GATA2: variants seen among roughly 807,000 people sequenced by gnomAD.
The protein encoded by GATA2 is GATA binding protein 2, also known as endothelial transcription factor GATA-2.
GATA2 carries 6 observed loss-of-function variants against 35.7 expected under a neutral mutation model. That is an observed-to-expected ratio of 0.17 (90% CI 0.09 to 0.33). GATA2 has a LOEUF of 0.33. GATA2 is among the 10% of genes least tolerant of loss of function. GATA2 has a pLI of 1.00. For synonymous variants in GATA2, 313 were observed against 274.9 expected, an observed-to-expected ratio of 1.14 and a Z score of -1.37; for missense variants, 541 against 656.6, an observed-to-expected ratio of 0.82 and a Z score of 1.92.
chr3:128,479,787 A>G lies in GATA2; in HGVS notation c.*1232T>C. Reference sequence around the variant, plus strand: ...CAGAATCTAAGCTCGGGACACGTTTATATACAGCTGTACCTTGGGAAGGAT... The same window carrying G: ...CAGAATCTAAGCTCGGGACACGTTTGTATACAGCTGTACCTTGGGAAGGAT... On this transcript the variant is annotated 3_prime_UTR_variant, in exon 6 of 6. Coordinates refer to ENST00000341105, the MANE Select transcript of GATA2 (RefSeq NM_032638.5). 4.3e-6 allele frequency: 1 copy of G among 233,564 alleles called. No individual in the cohort carries two copies. Among genetic ancestry groups the G allele is most frequent in the Non-Finnish European group, 8.5e-6 (1 of 118,014 alleles). 14.5% of individuals were successfully genotyped at this position (233,564 alleles called of 1,614,324 possible).
intron 1 of GATA2, among the ~76,000 whole-genome samples, chr3:128,490,812 A>G (rs1559989864): frequency 2.0e-5 from 3 of 152,180 alleles, no homozygotes; most frequent in Non-Finnish European, 4.4e-5. Context: ...AGGCCTGGTG[A>G]GAGCAGATTT....
In GATA2 at chr3:128,481,076, G is replaced by A. The variant is rs1060503833; in HGVS notation, c.1386C>T (p.Ser462=). 1 of 1,607,016 alleles carries A rather than the reference G, an allele frequency of 6.2e-7. No individual in the cohort carries two copies. The highest frequency in any genetic ancestry group is 8.5e-7 in the Non-Finnish European group (1 of 1,175,148). The change falls in exon 6 of 6, where the codon TCC becomes TCT. Residue 462 remains serine (S), a synonymous_variant. Coordinates refer to ENST00000341105, the MANE Select transcript of GATA2 (RefSeq NM_032638.5). ...GGGGGTGGCCGAAGGAGAGGCTGGA[G>A]GAGGGGTGGATGGGCGTCGGAGTGG... is the stretch of plus-strand genomic sequence containing the variant. ...ILPTPTPIHP[S]SSLSFGHPHP... is the part of the protein sequence containing the mutation.
chr3:128,486,357 C>T lies in GATA2; in HGVS notation c.241G>A (p.Gly81Arg), dbSNP rs981738420. 2 of 1,601,160 alleles carry T rather than the reference C, an allele frequency of 1.2e-6. No homozygotes were observed. Among genetic ancestry groups the T allele is most frequent in the Admixed American group, 1.7e-5 (1 of 58,864 alleles). ...SYSPAHARLT[G>R]GQMCRPHLLH... ...AAGTGTGGGCGGCACATCTGGCCTC[C>T]GGTCAGGCGGGCTGCGGGCAAAGAG... The change falls in exon 3 of 6, where the codon GGA becomes AGA. Residue 81 changes from glycine (G) to arginine (R), a missense_variant. Gly to Arg is a moderately radical substitution (Grantham distance 125). Coordinates refer to ENST00000341105, the MANE Select transcript of GATA2 (RefSeq NM_032638.5).
At position 128,481,335 on chromosome 3, in the gene GATA2, G is replaced by A; in HGVS notation, c.1144-17C>T. On this transcript the variant is annotated splice_polypyrimidine_tract_variant and intron_variant, in intron 5 of 5. Coordinates refer to ENST00000341105, the MANE Select transcript of GATA2 (RefSeq NM_032638.5). ...CCTGTTAACCTAGAGGCAACCACCA[G>A]TTTTCAGAGGGCCAGTTCCTTCCTC... is the stretch of plus-strand genomic sequence containing the variant. 1 of 1,609,242 alleles carries A rather than the reference G, an allele frequency of 6.2e-7. No individual in the cohort carries two copies. The highest frequency in any genetic ancestry group is 8.5e-7 in the Non-Finnish European group (1 of 1,179,870).
chr3:128,486,413 G>A (rs766273330), intron 2 of GATA2, 45 bp from the exon 3 acceptor site: 2 of 1,576,438 alleles, frequency 1.3e-6, no homozygotes, highest in Admixed American at 3.6e-5. Context: ...GAAAGATCAG[G>A]GTAGGCAGAG....
intron 1 of GATA2, among the ~76,000 whole-genome samples, chr3:128,491,351 G>A (rs1304707516): frequency 1.3e-5 from 2 of 152,164 alleles, no homozygotes; most frequent in African/African-American, 4.8e-5. Context: ...GTGTGGGGCT[G>A]GGGGTGGGGT....
At chr3:128,489,181 C>T (rs1189760777) in intron 1 of GATA2, 2 of 152,242 alleles carry the variant, frequency 1.3e-5, no homozygotes, top group Non-Finnish European at 2.9e-5. Context: ...GACGCCGAGC[C>T]CCTGACGTCA....
At chr3:128,481,390 G>A (rs2068626771) in intron 5 of GATA2, 72 bp from the exon 6 acceptor site, 9 of 1,537,528 alleles carry the variant, frequency 5.9e-6, no homozygotes, top group East Asian at 2.2e-5. Context: ...CCGCCACAGC[G>A]TGGACCAGAG....
intron 4 of GATA2, among the ~76,000 whole-genome samples, chr3:128,482,450 T>C (rs1367775054): frequency 2.6e-5 from 4 of 152,308 alleles, no homozygotes; most frequent in East Asian, 3.9e-4. Context: ...CGTCCAACAC[T>C]GTAGCAGCTG....
rs927129253 is a variant in GATA2 at position 128,479,614 on chromosome 3, G to A, written c.*1405C>T. On this transcript the variant is annotated 3_prime_UTR_variant, in exon 6 of 6. Coordinates refer to ENST00000341105, the MANE Select transcript of GATA2 (RefSeq NM_032638.5). Reference sequence around the variant, plus strand: ...ATACTGCCGATTCTTTTTCTTATGCGGACACTAGTACAAAATAAGTTACTT... The same window carrying A: ...ATACTGCCGATTCTTTTTCTTATGCAGACACTAGTACAAAATAAGTTACTT... 4 of 233,260 alleles carry A rather than the reference G, an allele frequency of 1.7e-5. No individual in the cohort carries two copies. The highest frequency in any genetic ancestry group is 3.6e-4 in the South Asian group (2 of 5,530). The allele number at this position is 233,260 out of a possible 1,614,324, so 14.4% of individuals were successfully genotyped here.
intron 1 of GATA2, 115 bp from the exon 2 acceptor site, chr3:128,487,191 A>T: frequency 1.6e-6 from 1 of 623,306 alleles, no homozygotes; most frequent in Non-Finnish European, 2.7e-6. Flanking sequence ...GAGAAAGAGC[A>T]CCAGTCCCGG....
rs1457487608 is a variant in GATA2 at position 128,493,036 on chromosome 3, AC to A, written c.-184del. 2 of 152,704 alleles carry A rather than the reference AC, an allele frequency of 1.3e-5. No homozygotes were observed. Among genetic ancestry groups the A allele is most frequent in the Non-Finnish European group, 2.9e-5 (2 of 68,490 alleles). 9.5% of individuals were successfully genotyped at this position (152,704 alleles called of 1,614,324 possible). A position where few individuals can be genotyped will look rare whatever the true frequency, so the allele number is the denominator to read the frequency against. On this transcript the variant is annotated 5_prime_UTR_variant, in exon 1 of 6. The change abolishes the stop of an existing upstream ORF in the 5' untranslated region. Coordinates refer to ENST00000341105, the MANE Select transcript of GATA2 (RefSeq NM_032638.5). Reference sequence around the variant, plus strand: ...CGCTCACCAGCAGAGCCTGGGCGGCACGCCGAGCGGCCGCATGGTGTTCAGC... The same window carrying A: ...CGCTCACCAGCAGAGCCTGGGCGGCAGCCGAGCGGCCGCATGGTGTTCAGC...
intron 3 of GATA2, 45 bp downstream of exon 3, chr3:128,485,682 G>A (rs1259127652): frequency 2.5e-6 from 4 of 1,599,860 alleles, no homozygotes; most frequent in Non-Finnish European, 3.4e-6. Flanking sequence ...CCACAAAAAC[G>A]CAAATGCTCC....
In GATA2 at chr3:128,488,718, G is replaced by A. The variant is rs1366620427; in HGVS notation, c.-45-1642C>T. Among the ~76,000 whole-genome samples the A allele has an allele frequency of 6.6e-6, 1 of 151,984 alleles. No homozygotes were observed. The highest frequency in any genetic ancestry group is 2.4e-5 in the African/African-American group (1 of 41,416). On this transcript the variant is annotated intron_variant, in intron 1 of 5. Transcript: ENST00000341105. This position sits in a 1 kb window ranked among gnomAD's most constrained non-coding sequence, Gnocchi z 5.8. ...TTTTTTTCCTCCGGGGGGGGTCCCC[G>A]AGGTGGCCTCTGGTGAGGGGGAGGC...
intron 3 of GATA2, among the ~76,000 whole-genome samples, chr3:128,485,369 C>T (rs1201896623): frequency 1.3e-5 from 2 of 152,170 alleles, no homozygotes; most frequent in African/African-American, 4.8e-5. Flanking sequence ...CATGCACATA[C>T]AGAGTCACTT....
At position 128,481,249 on chromosome 3, in the gene GATA2, T is replaced by C; in HGVS notation, c.1213A>G (p.Lys405Glu). The C allele has an allele frequency of 6.2e-7, 1 of 1,614,244 alleles. No homozygotes were observed. Among genetic ancestry groups the C allele is most frequent in the Non-Finnish European group, 8.5e-7 (1 of 1,180,056 alleles). The change falls in exon 6 of 6, where the codon AAG becomes GAG. Residue 405 changes from lysine (K) to glutamate (E), a missense_variant. Physicochemically the swap from Lys to Glu is moderately conservative, Grantham distance 56. Coordinates refer to ENST00000341105, the MANE Select transcript of GATA2 (RefSeq NM_032638.5). ...TRNRKMSNKSKKSKKGAECFE... is the reference protein window; with the variant it reads ...TRNRKMSNKSEKSKKGAECFE... ...CACTCCGCCCCTTTCTTGCTCTTCT[T>C]GGACTTGTTGGACATCTTCCGGTTC...
In GATA2 at chr3:128,488,253, GC is replaced by G. The variant is rs1435644466; in HGVS notation, c.-45-1178del. ...ACCACCAACTGCCCCCTCCCCAGGA[GC>G]CCGGGCCGCACACCCTCTGGATGGC... On this transcript the variant is annotated intron_variant, in intron 1 of 5. Coordinates refer to ENST00000341105, the MANE Select transcript of GATA2 (RefSeq NM_032638.5). The surrounding 1 kb of genome is among the most constrained non-coding windows in gnomAD (Gnocchi z 5.8). 1 of 152,670 alleles carries G rather than the reference GC, an allele frequency of 6.6e-6. No individual in the cohort carries two copies. Among genetic ancestry groups the G allele is most frequent in the Non-Finnish European group, 1.5e-5 (1 of 68,464 alleles). The allele number at this position is 152,670 out of a possible 1,614,324, so 9.5% of individuals were successfully genotyped here.
At chr3:128,489,654 G>A (rs1031116227) in intron 1 of GATA2, 3 of 152,202 alleles carry the variant, frequency 2.0e-5, no homozygotes, top group African/African-American at 7.2e-5. Flanking sequence ...CCGGGCCTCC[G>A]CGGCCAGGCC....
chr3:128,484,010 A>C lies in GATA2; in HGVS notation c.872-5T>G, dbSNP rs886038417. 1 of 1,612,802 alleles carries C rather than the reference A, an allele frequency of 6.2e-7. No homozygotes were observed. Among genetic ancestry groups the C allele is most frequent in the Non-Finnish European group, 8.5e-7 (1 of 1,179,876 alleles). ...AGTTGACACACTCCCGGCCTTCTGCAGGGGAACAGGGAGAGACACGGGGGC... is the reference window on the plus strand; with the variant it reads ...AGTTGACACACTCCCGGCCTTCTGCCGGGGAACAGGGAGAGACACGGGGGC... On this transcript the variant is annotated splice_polypyrimidine_tract_variant and splice_region_variant and intron_variant, in intron 3 of 5. Transcript: ENST00000341105.
Sources: allele counts gnomAD v4.1 joint callset (sites outside exome capture counted in the v4.1 genomes callset), GRCh38; gene constraint gnomAD v4.1.1; non-coding constraint Gnocchi (gnomAD v3.1); transcripts MANE v1.5; gene names NCBI Gene and HGNC (gene_info 2026-07-23, HGNC 2026-07-21).